Variants in SLC39A14 observed in about 807,000 individuals in gnomAD.
The protein encoded by SLC39A14 is solute carrier family 39 member 14, also known as metal cation symporter ZIP14.
A neutral mutation model predicts 45.5 loss-of-function variants in SLC39A14; 19 were observed. That is an observed-to-expected ratio of 0.42 (90% confidence interval 0.29 to 0.61). The LOEUF (loss-of-function observed/expected upper bound fraction) is 0.61. Ranked by LOEUF, SLC39A14 falls within the 20% of genes least tolerant of loss-of-function variation. The pLI, the probability that SLC39A14 is intolerant of heterozygous loss-of-function variation, is 0.22. For synonymous variants in SLC39A14, 264 were observed against 251.3 expected (o/e 1.05, Z -0.48); for missense variants, 447 against 616.5 (o/e 0.73, Z 2.91).
intron 8 of SLC39A14, among the ~76,000 whole-genome samples, chr8:22,429,971 G>A (rs1451001382): frequency 3.9e-5 from 6 of 152,168 alleles, no homozygotes; most frequent in East Asian, 1.9e-4. Flanking sequence ...GCCGGCCAAC[G>A]CAAGAATGCT....
intron 4 of SLC39A14, 27 bp downstream of exon 4, chr8:22,412,233 G>A (rs561850420): frequency 2.8e-5 from 44 of 1,549,236 alleles, no homozygotes; most frequent in South Asian, 2.0e-4. Context: ...CCTTCACCCC[G>A]GAGCATGCCG....
chr8:22,404,993 T>C lies in SLC39A14; in HGVS notation c.270+13T>C. On this transcript the variant is annotated intron_variant, in intron 2 of 8. Coordinates refer to ENST00000381237, the MANE Select transcript of SLC39A14 (RefSeq NM_001128431.4). ...GAACCTCTCCACGGTAAGGCTCCCC[T>C]GTGAGCCAGCAGCTCTGCTCAGCCC... 1 of 1,610,450 alleles carries C rather than the reference T, an allele frequency of 6.2e-7. No individual in the cohort carries two copies. The highest frequency in any genetic ancestry group is 8.5e-7 in the Non-Finnish European group (1 of 1,177,938).
At chr8:22,416,752 C>T (rs117272478) in intron 7 of SLC39A14, among the ~76,000 whole-genome samples, 2,329 of 152,130 alleles carry the variant, frequency 0.015, 30 homozygotes, top group Non-Finnish European at 0.025. Context: ...CATTTCTTAA[C>T]GATTAAATAG....
At chr8:22,397,375 G>A (rs374959688) in intron 1 of SLC39A14, among the ~76,000 whole-genome samples, 22 of 152,222 alleles carry the variant, frequency 1.4e-4, no homozygotes, top group African/African-American at 5.1e-4. Flanking sequence ...TCAGGAGATC[G>A]AGACCATCCT....
intron 1 of SLC39A14, among the ~76,000 whole-genome samples, chr8:22,399,266 C>T (rs1334101448): frequency 6.6e-6 from 1 of 152,224 alleles, no homozygotes; most frequent in Non-Finnish European, 1.5e-5. Context: ...GCGGCGTCAA[C>T]AGCTGTGTGT....
intron 1 of SLC39A14, among the ~76,000 whole-genome samples, chr8:22,399,105 G>A (rs1445591877): frequency 6.6e-6 from 1 of 152,162 alleles, no homozygotes; most frequent in Non-Finnish European, 1.5e-5. Context: ...CCCCTGAAAG[G>A]TGTCCATCCT....
intron 1 of SLC39A14, chr8:22,398,742 A>G (rs982191264): frequency 2.8e-5 from 28 of 985,340 alleles, no homozygotes; most frequent in Non-Finnish European, 3.4e-5. Context: ...GCGTCTGTGC[A>G]GGACAGAAGT....
At chr8:22,408,899 C>A (rs150164532) in intron 3 of SLC39A14, among the ~76,000 whole-genome samples, 151 of 151,238 alleles carry the variant, frequency 1.0e-3, no homozygotes, top group African/African-American at 3.5e-3. Flanking sequence ...TAGCTCACTG[C>A]AGCCTTGACC....
downstream of SLC39A14, among the ~76,000 whole-genome samples, chr8:22,423,786 T>TTCTCTCTCTCTCTCTCTC (rs58420252): frequency 0.013 from 1,548 of 122,218 alleles, 79 homozygotes; most frequent in Non-Finnish European, 0.018. Context: ...TTTAATTGGT[T>TTCTCTCTCTCTCTCTCTC]TCTCTCTCTC....
chr8:22,381,162 C>T (rs1334632733), intron 1 of SLC39A14, among the ~76,000 whole-genome samples: 3 of 151,848 alleles, frequency 2.0e-5, no homozygotes, highest in Non-Finnish European at 4.4e-5. Context: ...TTAGTAGAGA[C>T]GGGGTTTCAC....
At position 22,421,980 on chromosome 8, in the gene SLC39A14, T is replaced by C; in HGVS notation, c.*2282T>C. The C allele has an allele frequency of 4.1e-6, 4 of 985,376 alleles. No individual in the cohort carries two copies. Among genetic ancestry groups the C allele is most frequent in the Non-Finnish European group, 3.6e-6 (3 of 829,924 alleles). 61.0% of individuals were successfully genotyped at this position (985,376 alleles called of 1,614,324 possible). ...GCAGAGGTCAGTCCTAGTCGGAGCT[T>C]AGGAGGGGCGGAGACGCTCACATCG... On this transcript the variant is annotated 3_prime_UTR_variant, in exon 9 of 9. Coordinates refer to ENST00000381237, the MANE Select transcript of SLC39A14 (RefSeq NM_001128431.4).
At chr8:22,380,952 G>A (rs563652391) in intron 1 of SLC39A14, among the ~76,000 whole-genome samples, 61 of 150,698 alleles carry the variant, frequency 4.0e-4, no homozygotes, top group East Asian at 1.8e-3. Flanking sequence ...CTGGAATTAC[G>A]GGAGTGAGCC....
chr8:22,419,873 A>G lies in SLC39A14; in HGVS notation c.*175A>G. ...TTGTAAAATGCTGTATCCTAGGAATAAGCTGCCCTGGTAACCAGTCTCTAG... is the reference window on the plus strand; with the variant it reads ...TTGTAAAATGCTGTATCCTAGGAATGAGCTGCCCTGGTAACCAGTCTCTAG... On this transcript the variant is annotated 3_prime_UTR_variant, in exon 9 of 9. Coordinates refer to ENST00000381237, the MANE Select transcript of SLC39A14 (RefSeq NM_001128431.4). The G allele has an allele frequency of 7.6e-7, 1 of 1,319,936 alleles. No individual in the cohort carries two copies. The highest frequency in any genetic ancestry group is 2.4e-5 in the South Asian group (1 of 42,448). 81.8% of individuals were successfully genotyped at this position (1,319,936 alleles called of 1,614,324 possible).
intron 1 of SLC39A14, among the ~76,000 whole-genome samples, chr8:22,371,890 G>T (rs1832958061): frequency 6.6e-6 from 1 of 150,680 alleles, no homozygotes; most frequent in African/African-American, 2.4e-5. Flanking sequence ...GATTATAGGC[G>T]CCCGCCACCA....
chr8:22,404,937 G>T lies in SLC39A14; in HGVS notation c.227G>T (p.Gly76Val), dbSNP rs370740671. ...LNHLDVGVGR[G>V]NVTQHVQGHR... ...CACCTGGATGTGGGAGTGGGCCGGG[G>T]TAATGTCACCCAGCACGTGCAAGGA... The change falls in exon 2 of 9, where the codon GGT becomes GTT. Residue 76 changes from glycine (G) to valine (V), a missense_variant. Coordinates refer to ENST00000381237, the MANE Select transcript of SLC39A14 (RefSeq NM_001128431.4). The T allele has an allele frequency of 3.9e-5, 63 of 1,614,062 alleles. No homozygotes were observed. In the South Asian group the frequency reaches 4.7e-4, roughly 12 times the overall value.
intron 1 of SLC39A14, among the ~76,000 whole-genome samples, chr8:22,386,956 G>A (rs1360847144): frequency 6.6e-6 from 1 of 152,064 alleles, no homozygotes; most frequent in African/African-American, 2.4e-5. Flanking sequence ...GAGGATCTCT[G>A]AGCCAAGGAA....
chr8:22,414,817 C>G lies in SLC39A14; in HGVS notation c.665C>G (p.Ser222Cys). Residue 222 changes from serine (S) to cysteine (C), a missense_variant, in exon 5 of 9, where the codon TCC (serine) becomes TGC (cysteine). Ser to Cys is a moderately radical substitution (Grantham distance 112). Around this residue, in one of 2 missense-constraint regions of SLC39A14, gnomAD observed 342 missense variants for 428.1 expected, o/e 0.80. Coordinates refer to ENST00000381237, the MANE Select transcript of SLC39A14 (RefSeq NM_001128431.4). ...AACCCTCTGGAAGATTATTATGTCT[C>G]CAAGTCTGCAGTGGTGTTTGGGGGC... ...GFNPLEDYYV[S>C]KSAVVFGGFY... 2 of 1,612,498 alleles carry G rather than the reference C, an allele frequency of 1.2e-6. No homozygotes were observed. The highest frequency in any genetic ancestry group is 1.7e-6 in the Non-Finnish European group (2 of 1,179,722).
downstream of SLC39A14, among the ~76,000 whole-genome samples, chr8:22,424,137 G>T (rs1186962175): frequency 1.3e-5 from 2 of 152,134 alleles, no homozygotes; most frequent in African/African-American, 4.8e-5. Flanking sequence ...TGTGTTGCAT[G>T]ATAGAAGAAT....
chr8:22,371,022 C>T (rs1832897873), intron 1 of SLC39A14, among the ~76,000 whole-genome samples: 1 of 152,204 alleles, frequency 6.6e-6, no homozygotes, highest in Admixed American at 6.5e-5. Flanking sequence ...TTGTTCCCCC[C>T]TCCCCCCACT....
Sources: gnomAD v4.1 joint callset for allele counts (sites outside exome capture counted in the v4.1 genomes callset) on GRCh38, gnomAD v4.1.1 for gene constraint, gnomAD v4.1.1 regional missense constraint, MANE v1.5 for transcripts, NCBI Gene and HGNC (gene_info 2026-07-23, HGNC 2026-07-21) for gene names.